TAF2: variants seen among roughly 807,000 people sequenced by gnomAD.
The protein encoded by TAF2 is TATA-box binding protein associated factor 2, also known as transcription initiation factor TFIID subunit 2.
In TAF2, 61 loss-of-function variants were observed where a neutral mutation model predicts 138.5. The observed-to-expected ratio is 0.44, with a 90% CI of 0.36 to 0.54. The LOEUF (loss-of-function observed/expected upper bound fraction) is 0.54, where lower values mean the gene tolerates loss of function less well. Among genes scored for constraint, TAF2 ranks in the 20% least tolerant of loss-of-function variants. The pLI is 0.00. For missense variants in TAF2, 1,090 were observed against 1,427.9 expected, an observed-to-expected ratio of 0.76 and a Z score of 3.81; for synonymous variants, 475 against 469.9, an observed-to-expected ratio of 1.01 and a Z score of -0.14.
Position 119,731,197 on chromosome 8 carries a change from A to C in TAF2, c.*727T>G, listed in dbSNP as rs1394382482. 1 of 152,212 alleles carries C rather than the reference A, an allele frequency of 6.6e-6. No individual in the cohort carries two copies. The highest frequency in any genetic ancestry group is 1.5e-5 in the Non-Finnish European group (1 of 68,036). 9.4% of individuals were successfully genotyped at this position (152,212 alleles called of 1,614,324 possible). A position where few individuals can be genotyped will look rare whatever the true frequency, so the allele number is the denominator to read the frequency against. ...TTTATACTTACTGGAAAACAAAACA[A>C]AAAAACTTATAATTTAAACATCTTG... On this transcript the variant is annotated 3_prime_UTR_variant, in exon 26 of 26. Transcript: ENST00000378164.
intron 9 of TAF2, among the ~76,000 whole-genome samples, chr8:119,794,363 T>C (rs1252493376): frequency 6.8e-6 from 1 of 146,750 alleles, no homozygotes; most frequent in Admixed American, 6.8e-5. Flanking sequence ...GCCACTGCAC[T>C]ACAGCCTGAG....
intron 25 of TAF2, among the ~76,000 whole-genome samples, chr8:119,735,223 AG>A (rs1306034503): frequency 1.3e-5 from 2 of 152,162 alleles, no homozygotes; most frequent in African/African-American, 2.4e-5. Flanking sequence ...TCTTGAGGAC[AG>A]GAAGTTTGTC....
chr8:119,789,735 T>C lies in TAF2; in HGVS notation c.1425A>G (p.Lys475=), dbSNP rs765629663. ...AAGCAGTACTAGCCAGACTTAGCAG[T>C]TTATTGAAAACCTGTAAGGATAAAA... ...SMEFMLQVFN[K]LLSLASTASS... The change falls in exon 12 of 26, where the codon AAA becomes AAG. Residue 475 remains lysine (K), a synonymous_variant. Coordinates refer to ENST00000378164, the MANE Select transcript of TAF2 (RefSeq NM_003184.4). The C allele has an allele frequency of 3.1e-6, 5 of 1,613,748 alleles. No individual in the cohort carries two copies. The highest frequency in any genetic ancestry group is 4.2e-6 in the Non-Finnish European group (5 of 1,179,880).
intron 18 of TAF2, among the ~76,000 whole-genome samples, chr8:119,776,287 G>T (rs1197425513): frequency 6.6e-6 from 1 of 150,500 alleles, no homozygotes; most frequent in Non-Finnish European, 1.5e-5. Context: ...TTAAACTAAA[G>T]AGGCAATGTT....
chr8:119,774,789 T>C (rs903353776), intron 18 of TAF2, among the ~76,000 whole-genome samples: 1 of 152,170 alleles, frequency 6.6e-6, no homozygotes, highest in African/African-American at 2.4e-5. Context: ...CTTGTAGTTA[T>C]AGTGTTCCAT....
intron 4 of TAF2, among the ~76,000 whole-genome samples, chr8:119,805,952 TG>T (rs966334058): frequency 6.6e-6 from 1 of 151,710 alleles, no homozygotes; most frequent in Non-Finnish European, 1.5e-5. Flanking sequence ...TTGCACAGGT[TG>T]GAGTGCAGGG....
At chr8:119,762,867 G>C (rs1821161905) in intron 18 of TAF2, 1 of 310,498 alleles carries the variant, frequency 3.2e-6, no homozygotes, top group African/African-American at 2.2e-5. Context: ...GAAACTGGAG[G>C]GTTAATGTAG....
At chr8:119,749,290 C>T (rs901041068) in intron 22 of TAF2, among the ~76,000 whole-genome samples, 3 of 152,016 alleles carry the variant, frequency 2.0e-5, no homozygotes, top group Non-Finnish European at 4.4e-5. Flanking sequence ...TTTGCTAGAC[C>T]TTTAATTTGG....
rs763649497 is a variant in TAF2 at position 119,756,014 on chromosome 8, A to G, written c.2870T>C (p.Met957Thr). 35 of 1,610,544 alleles carry G rather than the reference A, an allele frequency of 2.2e-5. No homozygotes were observed. Among genetic ancestry groups the G allele is most frequent in the Non-Finnish European group, 2.6e-5 (31 of 1,176,972 alleles). ...EALVDQLWKL[M>T]NSGTSHDWRL... ...AATCCCTGCTCTCTCACCAGAATTCATAAGTTTCCAAAGTTGATCTACCAG... is the reference window on the plus strand; with the variant it reads ...AATCCCTGCTCTCTCACCAGAATTCGTAAGTTTCCAAAGTTGATCTACCAG... The change falls in exon 22 of 26, where the codon ATG (methionine) becomes ACG (threonine). Residue 957 changes from methionine (M) to threonine (T), a missense_variant. Physicochemically the swap from Met to Thr is moderately conservative, Grantham distance 81. Around this residue, in one of 3 missense-constraint regions of TAF2, gnomAD observed 580 missense variants for 719.6 expected, o/e 0.81. Transcript: ENST00000378164.
rs557247132 is a variant in TAF2, at chr8:119,805,749, C to T, written c.418+534G>A. ...TTTTTTTTTTAGCTTTAAAAAACAA[C>T]GGTGAAATAAATTGCTTTTTTCACA... On this transcript the variant is annotated intron_variant, in intron 4 of 25. Transcript: ENST00000378164. Among the ~76,000 whole-genome samples, 309 of 151,886 alleles carry T rather than the reference C, an allele frequency of 2.0e-3. 2 individuals carry two copies. The highest frequency in any genetic ancestry group is 6.1e-3 in the African/African-American group (252 of 41,426).
intron 25 of TAF2, 147 bp from the exon 26 acceptor site, chr8:119,732,333 CAT>C (rs1818931441): frequency 2.7e-6 from 2 of 737,250 alleles, no homozygotes; most frequent in Admixed American, 4.6e-5. Context: ...CTAAATAAGA[CAT>C]GTAATTAGTT....
At chr8:119,826,509 A>G (rs931383147) in intron 2 of TAF2, among the ~76,000 whole-genome samples, 1 of 152,072 alleles carries the variant, frequency 6.6e-6, no homozygotes, top group Non-Finnish European at 1.5e-5. Flanking sequence ...TACCCTTGCT[A>G]TGGTCACTTA....
intron 16 of TAF2, among the ~76,000 whole-genome samples, chr8:119,781,609 G>A (rs912865089): frequency 1.3e-5 from 2 of 152,062 alleles, no homozygotes; most frequent in South Asian, 2.1e-4. Context: ...GACTCAGGAC[G>A]GGGAGGGGGA....
intron 2 of TAF2, among the ~76,000 whole-genome samples, chr8:119,825,749 A>T (rs1368629662): frequency 1.3e-5 from 2 of 151,904 alleles, no homozygotes; most frequent in Non-Finnish European, 2.9e-5. Flanking sequence ...CAGTGGTGCG[A>T]TCTTGGCTCA....
intron 6 of TAF2, among the ~76,000 whole-genome samples, chr8:119,801,166 A>G (rs1824228247): frequency 6.6e-6 from 1 of 152,228 alleles, no homozygotes; most frequent in African/African-American, 2.4e-5. Flanking sequence ...AACATTCAAA[A>G]ACATGATAAA....
intron 2 of TAF2, among the ~76,000 whole-genome samples, chr8:119,831,322 G>C (rs1197359955): frequency 1.3e-5 from 2 of 152,116 alleles, no homozygotes; most frequent in African/African-American, 4.8e-5. Context: ...CCAAGTCAGT[G>C]AGTGTATTAA....
At chr8:119,755,894 A>G in intron 22 of TAF2, 112 bp downstream of exon 22, 1 of 877,044 alleles carries the variant, frequency 1.1e-6, no homozygotes, top group East Asian at 2.7e-5. Flanking sequence ...TAAAAGAAAA[A>G]AAAAAATCTC....
chr8:119,775,485 T>C (rs993193924), intron 18 of TAF2, among the ~76,000 whole-genome samples: 7 of 151,546 alleles, frequency 4.6e-5, no homozygotes, highest in Admixed American at 2.0e-4. Context: ...GGCGAATCAC[T>C]TGAGGTCAGG....
intron 22 of TAF2, among the ~76,000 whole-genome samples, chr8:119,754,720 ACTAT>A (rs1364054701): frequency 6.6e-6 from 1 of 151,996 alleles, no homozygotes; most frequent in African/African-American, 2.4e-5. Flanking sequence ...CTGCTCTCCC[ACTAT>A]CTATCTGCAA....
Sources: gnomAD v4.1 joint callset for allele counts (sites outside exome capture counted in the v4.1 genomes callset) on GRCh38, gnomAD v4.1.1 for gene constraint, gnomAD v4.1.1 regional missense constraint, MANE v1.5 for transcripts, NCBI Gene and HGNC (gene_info 2026-07-23, HGNC 2026-07-21) for gene names.